Variants in CNTN4 observed in about 807,000 individuals in gnomAD.
CNTN4 encodes the protein contactin-4.
CNTN4 carries 77 observed loss-of-function variants against 122.5 expected under a neutral mutation model. That is an observed-to-expected ratio of 0.63 (90% confidence interval 0.52 to 0.76). The LOEUF is 0.76. Ranked by LOEUF, CNTN4 falls within the 30% of genes least tolerant of loss-of-function variation. The pLI, the probability that CNTN4 is intolerant of heterozygous loss-of-function variation, is 0.00. For missense variants in CNTN4, 1,256 were observed against 1,259.1 expected, an observed-to-expected ratio of 1.00 and a Z score of 0.04; for synonymous variants, 512 against 447.0, an observed-to-expected ratio of 1.15 and a Z score of -1.83.
Position 2,196,834 on chromosome 3 carries a change from C to T in CNTN4, c.-145+96195C>T, listed in dbSNP as rs373995121. Among the ~76,000 whole-genome samples the T allele has an allele frequency of 1.3e-3, 204 of 151,946 alleles. 1 individual carries two copies. Among genetic ancestry groups the T allele is most frequent in the African/African-American group, 4.7e-3 (196 of 41,444 alleles). On this transcript the variant is annotated intron_variant, in intron 2 of 24. Transcript: ENST00000418658. ...CCGAGGTGGGCAGATCTTATGAGGT[C>T]GGAAGTTCGAGACCAGCCTGACCAA...
intron 2 of CNTN4, among the ~76,000 whole-genome samples, chr3:2,150,514 G>A (rs1311330558): frequency 5.3e-5 from 8 of 151,974 alleles, no homozygotes; most frequent in East Asian, 1.9e-4. Flanking sequence ...CTATTTCTAC[G>A]GGACAAGCTG....
At chr3:3,044,336 C>G (rs1700428493) in intron 23 of CNTN4, among the ~76,000 whole-genome samples, 1 of 152,166 alleles carries the variant, frequency 6.6e-6, no homozygotes, top group African/African-American at 2.4e-5. Context: ...AAAACAGCAA[C>G]AGTGTATCAT....
At chr3:2,300,706 G>A (rs2042476365) in intron 2 of CNTN4, among the ~76,000 whole-genome samples, 1 of 151,152 alleles carries the variant, frequency 6.6e-6, no homozygotes, top group Non-Finnish European at 1.5e-5. Context: ...CGAGTAGCTG[G>A]GATCACAGGC....
chr3:2,397,580 T>C (rs561140811), intron 3 of CNTN4, among the ~76,000 whole-genome samples: 65 of 152,246 alleles, frequency 4.3e-4, no homozygotes, highest in African/African-American at 1.5e-3. Context: ...GACTACAGTA[T>C]GCAGCTAATG....
chr3:3,022,307 A>G (rs563875012), intron 14 of CNTN4, among the ~76,000 whole-genome samples: 214 of 152,250 alleles, frequency 1.4e-3, no homozygotes, highest in Middle Eastern at 0.01. Flanking sequence ...TCCTACCTTG[A>G]TGGGAGGATT....
At chr3:2,190,965 A>G (rs978310646) in intron 2 of CNTN4, among the ~76,000 whole-genome samples, 1 of 151,870 alleles carries the variant, frequency 6.6e-6, no homozygotes, top group Non-Finnish European at 1.5e-5. Context: ...CTTGACTTTC[A>G]CCTCACCAGT....
chr3:2,330,307 A>G (rs957484993), intron 2 of CNTN4, among the ~76,000 whole-genome samples: 3 of 152,190 alleles, frequency 2.0e-5, no homozygotes, highest in African/African-American at 7.2e-5. Flanking sequence ...GCAACATGGA[A>G]GCTCTCCAGT....
chr3:2,764,071 A>G (rs1576700647), intron 6 of CNTN4, among the ~76,000 whole-genome samples: 1 of 152,138 alleles, frequency 6.6e-6, no homozygotes, highest in Admixed American at 6.5e-5. Flanking sequence ...TCAAGTGAGG[A>G]GAAAACATAG....
chr3:2,563,717 T>G (rs1241947088), intron 3 of CNTN4, among the ~76,000 whole-genome samples: 1 of 152,228 alleles, frequency 6.6e-6, no homozygotes, highest in Non-Finnish European at 1.5e-5. Context: ...CATTCATGTC[T>G]GTTTTTCAAC....
chr3:2,835,321 TAC>T (rs1181969071), intron 7 of CNTN4, among the ~76,000 whole-genome samples: 5 of 152,178 alleles, frequency 3.3e-5, no homozygotes, highest in African/African-American at 1.2e-4. Context: ...AGTTTGGGAA[TAC>T]AAGGAGAAAT....
intron 5 of CNTN4, among the ~76,000 whole-genome samples, chr3:2,744,744 A>C (rs967141412): frequency 2.6e-5 from 4 of 152,230 alleles, no homozygotes; most frequent in Non-Finnish European, 4.4e-5. Context: ...ACAAAAACAT[A>C]GGTCTTATTA....
intron 3 of CNTN4, among the ~76,000 whole-genome samples, chr3:2,483,037 T>C (rs1312605299): frequency 6.8e-6 from 1 of 146,902 alleles, no homozygotes; most frequent in African/African-American, 2.7e-5. Flanking sequence ...CAGCTTGTAC[T>C]GTGCACCTGG....
chr3:2,602,780 A>C (rs767097341), intron 4 of CNTN4, among the ~76,000 whole-genome samples: 1 of 152,224 alleles, frequency 6.6e-6, no homozygotes, highest in Non-Finnish European at 1.5e-5. Flanking sequence ...TGGTAATAAT[A>C]CATGAAGAAG....
chr3:2,181,035 G>A (rs1219684143), intron 2 of CNTN4, among the ~76,000 whole-genome samples: 1 of 152,024 alleles, frequency 6.6e-6, no homozygotes, highest in Non-Finnish European at 1.5e-5. Context: ...AAACTTGTTT[G>A]TTTTTAGTTT....
At chr3:2,300,697 G>C (rs148916392) in intron 2 of CNTN4, among the ~76,000 whole-genome samples, 13 of 148,988 alleles carry the variant, frequency 8.7e-5, no homozygotes, top group Non-Finnish European at 1.9e-4. Flanking sequence ...TCAGCCTCTC[G>C]AGTAGCTGGG....
chr3:2,739,067 G>A (rs976094492), intron 5 of CNTN4, among the ~76,000 whole-genome samples: 6 of 151,966 alleles, frequency 3.9e-5, no homozygotes, highest in Non-Finnish European at 7.4e-5. Context: ...CAACCTAGTG[G>A]AAACATTAGC....
intron 6 of CNTN4, among the ~76,000 whole-genome samples, chr3:2,818,639 C>T (rs2092794507): frequency 6.6e-6 from 1 of 152,180 alleles, no homozygotes; most frequent in East Asian, 1.9e-4. Context: ...GTTTCTTGAA[C>T]AATAATATGT....
At chr3:2,466,909 C>G (rs1271000391) in intron 3 of CNTN4, among the ~76,000 whole-genome samples, 1 of 150,940 alleles carries the variant, frequency 6.6e-6, no homozygotes. Flanking sequence ...GTTCTTTTAG[C>G]AAGACCTTAA....
At chr3:2,409,296 G>A (rs111809434) in intron 3 of CNTN4, among the ~76,000 whole-genome samples, 8 of 144,330 alleles carry the variant, frequency 5.5e-5, no homozygotes, top group African/African-American at 7.7e-5. Context: ...CGCCCAGGCT[G>A]GAGTGCAGTG....
Sources: allele counts gnomAD v4.1 joint callset (sites outside exome capture counted in the v4.1 genomes callset), GRCh38; gene constraint gnomAD v4.1.1; transcripts MANE v1.5; gene names NCBI Gene and HGNC (gene_info 2026-07-23, HGNC 2026-07-21).